The following EDIL3 variants were observed in gnomAD, a reference collection of about 807,000 sequenced individuals.
EDIL3 encodes the protein EGF like and discoidin domains 3, also known as EGF-like repeat and discoidin I-like domain-containing protein 3.
EDIL3 carries 37 observed loss-of-function variants against 67.4 expected under a neutral mutation model. The observed-to-expected ratio is 0.55, with a 90% CI of 0.42 to 0.72. EDIL3 has a LOEUF of 0.72. EDIL3 is among the 30% of genes least tolerant of loss of function. The pLI, the probability that EDIL3 is intolerant of heterozygous loss-of-function variation, is 0.00. For synonymous variants in EDIL3, 195 were observed against 196.3 expected (o/e 0.99, Z 0.05); for missense variants, 527 against 586.3 (o/e 0.90, Z 1.04).
intron 1 of EDIL3, among the ~76,000 whole-genome samples, chr5:84,271,437 A>G (rs1745471398): frequency 6.7e-6 from 1 of 149,708 alleles, no homozygotes; most frequent in Non-Finnish European, 1.5e-5. Flanking sequence ...ATAAATAAAT[A>G]AATAAATAAA....
At chr5:84,039,366 C>A (rs987090860) in intron 9 of EDIL3, among the ~76,000 whole-genome samples, 12 of 152,108 alleles carry the variant, frequency 7.9e-5, no homozygotes, top group Non-Finnish European at 1.3e-4. Context: ...TCCCAGCAAT[C>A]CACTAAACAC....
chr5:84,270,055 TCAA>T (rs1440461679), intron 1 of EDIL3, among the ~76,000 whole-genome samples: 1 of 152,190 alleles, frequency 6.6e-6, no homozygotes, highest in African/African-American at 2.4e-5. Context: ...TGCAAAAATA[TCAA>T]CGTTAGTTAT....
intron 9 of EDIL3, among the ~76,000 whole-genome samples, chr5:83,990,320 C>G (rs903964554): frequency 2.6e-5 from 4 of 151,956 alleles, no homozygotes; most frequent in Admixed American, 2.6e-4. Context: ...AATCCCGTCT[C>G]TACTGAAAAT....
intron 9 of EDIL3, among the ~76,000 whole-genome samples, chr5:84,034,231 C>G (rs1745976980): frequency 6.6e-6 from 1 of 152,176 alleles, no homozygotes; most frequent in Non-Finnish European, 1.5e-5. Context: ...AACACAAACA[C>G]AGATGCACAC....
chr5:84,304,738 C>T (rs1208910481), intron 1 of EDIL3, among the ~76,000 whole-genome samples: 1 of 152,078 alleles, frequency 6.6e-6, no homozygotes, highest in Non-Finnish European at 1.5e-5. Flanking sequence ...TATGACTAAA[C>T]CTTTGAAAAA....
At chr5:84,189,974 T>A (rs187075819) in intron 3 of EDIL3, among the ~76,000 whole-genome samples, 81 of 152,128 alleles carry the variant, frequency 5.3e-4, no homozygotes, top group Non-Finnish European at 9.0e-4. Context: ...CTTTTGTGAA[T>A]TAGTGAATAC....
intron 3 of EDIL3, among the ~76,000 whole-genome samples, chr5:84,217,498 A>G (rs1018521927): frequency 2.0e-5 from 3 of 152,192 alleles, no homozygotes; most frequent in African/African-American, 7.2e-5. Context: ...TAAGTAAAAA[A>G]GATGACCCTT....
At chr5:83,989,564 C>G (rs1248746413) in intron 9 of EDIL3, among the ~76,000 whole-genome samples, 1 of 152,088 alleles carries the variant, frequency 6.6e-6, no homozygotes, top group East Asian at 1.9e-4. Context: ...TGAAAGGGGA[C>G]AAAGACTGAG....
chr5:84,093,910 A>C (rs1475815117), intron 6 of EDIL3, among the ~76,000 whole-genome samples: 1 of 152,118 alleles, frequency 6.6e-6, no homozygotes, highest in Non-Finnish European at 1.5e-5. Context: ...CACCTGCCTC[A>C]GCCTCCCAAA....
chr5:84,383,224 C>A (rs1175034522), intron 1 of EDIL3, among the ~76,000 whole-genome samples: 1 of 152,200 alleles, frequency 6.6e-6, no homozygotes, highest in African/African-American at 2.4e-5. Flanking sequence ...CATCTGTGAG[C>A]GCAGGAGTGG....
chr5:84,292,422 T>C (rs1250215095), intron 1 of EDIL3, among the ~76,000 whole-genome samples: 1 of 152,158 alleles, frequency 6.6e-6, no homozygotes, highest in Non-Finnish European at 1.5e-5. Flanking sequence ...CAGGAAAGCA[T>C]TCACTTTTTA....
intron 2 of EDIL3, among the ~76,000 whole-genome samples, chr5:84,242,382 T>C (rs1031914157): frequency 6.6e-6 from 1 of 152,212 alleles, no homozygotes; most frequent in African/African-American, 2.4e-5. Flanking sequence ...CAACTCAGCC[T>C]GGCTAGCTTC....
At chr5:83,987,215 T>C (rs1295765743) in intron 9 of EDIL3, among the ~76,000 whole-genome samples, 3 of 152,110 alleles carry the variant, frequency 2.0e-5, no homozygotes, top group Non-Finnish European at 2.9e-5. Context: ...TTTCTGGTTA[T>C]AAATTGCTGT....
intron 9 of EDIL3, among the ~76,000 whole-genome samples, chr5:83,990,810 G>GTCC (rs1232709629): frequency 2.0e-5 from 3 of 151,770 alleles, no homozygotes; most frequent in Non-Finnish European, 4.4e-5. Flanking sequence ...AACCCGAGAG[G>GTCC]TGGAGGTTGC....
At chr5:84,027,031 C>T (rs389475) in intron 9 of EDIL3, among the ~76,000 whole-genome samples, 130,387 of 152,148 alleles carry the variant, frequency 0.86, 56,535 homozygotes, top group Non-Finnish European at 0.92. Context: ...AGAGGCAGAA[C>T]CTACAGTAAG....
At chr5:84,241,213 A>G (rs1744787317) in intron 2 of EDIL3, among the ~76,000 whole-genome samples, 1 of 152,216 alleles carries the variant, frequency 6.6e-6, no homozygotes, top group East Asian at 1.9e-4. Context: ...TCATCAGGTC[A>G]TAGAGAAAGG....
intron 1 of EDIL3, among the ~76,000 whole-genome samples, chr5:84,254,494 T>C (rs1745092293): frequency 6.6e-6 from 1 of 152,220 alleles, no homozygotes; most frequent in African/African-American, 2.4e-5. Flanking sequence ...GTTGTCTAAT[T>C]GGTTAATAAA....
chr5:83,966,134 G>A (rs1744686696), intron 9 of EDIL3, among the ~76,000 whole-genome samples: 1 of 152,194 alleles, frequency 6.6e-6, no homozygotes, highest in East Asian at 1.9e-4. Flanking sequence ...CTGCAAATAT[G>A]CTGGACAAAA....
rs369952684 is a variant in EDIL3, at chr5:83,995,685, T to A, written c.1138-32325A>T. On this transcript the variant is annotated intron_variant, in intron 9 of 10. Coordinates refer to ENST00000296591, the MANE Select transcript of EDIL3 (RefSeq NM_005711.5). ...CAGTGAATTTGTATGCTATCTGTGATCTTACTTAGTGGATATATCTCAATT... is the reference window on the plus strand; with the variant it reads ...CAGTGAATTTGTATGCTATCTGTGAACTTACTTAGTGGATATATCTCAATT... Among the ~76,000 whole-genome samples, 21 of 152,290 alleles carry A rather than the reference T, an allele frequency of 1.4e-4. No individual in the cohort carries two copies. The East Asian group carries it at 1.5e-3, about 11-fold the overall frequency.
Sources: allele counts gnomAD v4.1 joint callset (sites outside exome capture counted in the v4.1 genomes callset), GRCh38; gene constraint gnomAD v4.1.1; transcripts MANE v1.5; gene names NCBI Gene and HGNC (gene_info 2026-07-23, HGNC 2026-07-21).